Variants in KCNH3 observed in about 807,000 individuals in gnomAD.
KCNH3 encodes voltage-gated inwardly rectifying potassium channel KCNH3.
A neutral mutation model predicts 95.6 loss-of-function variants in KCNH3; 36 were observed. The observed-to-expected ratio is 0.38, with a 90% CI of 0.29 to 0.50. The LOEUF (loss-of-function observed/expected upper bound fraction) is 0.50. Among genes scored for constraint, KCNH3 ranks in the 20% least tolerant of loss-of-function variants. The pLI is 0.95. For synonymous variants in KCNH3, 620 were observed against 646.3 expected (o/e 0.96, Z 0.62); for missense variants, 1,030 against 1,484.1 (o/e 0.69, Z 5.03).
In KCNH3 at chr12:49,550,100, C is replaced by T. The variant is rs568300796; in HGVS notation, c.1689C>T (p.Asp563=). ...DTTELLQSLP[D]ELRADIAMHL... ...TGCAGCTGCTGCAGAGCCTCCCTGA[C>T]GAGCTGCGCGCAGACATCGCCATGC... The change falls in exon 10 of 15, where the codon GAC becomes GAT. Residue 563 remains aspartate (D), a synonymous_variant. Coordinates refer to ENST00000257981, the MANE Select transcript of KCNH3 (RefSeq NM_012284.3). 7.6e-6 allele frequency: 12 copies of T among 1,580,140 alleles called. No individual in the cohort carries two copies. The highest frequency in any genetic ancestry group is 3.3e-5 in the South Asian group (3 of 90,174).
chr12:49,542,634 C>G, intron 3 of KCNH3, 72 bp from the exon 4 acceptor site: 2 of 1,492,474 alleles, frequency 1.3e-6, no homozygotes, highest in South Asian at 2.6e-5. Flanking sequence ...GCAACTGTGT[C>G]CTACACCTGA....
chr12:49,544,143 C>CCGA, intron 6 of KCNH3, 32 bp from the exon 7 acceptor site: 3 of 1,503,864 alleles, frequency 2.0e-6, no homozygotes, highest in Non-Finnish European at 2.7e-6. Context: ...CGCTGACCTC[C>CCGA]CTCCCTCCCT....
At chr12:49,540,298 T>G (rs1937828598) in intron 1 of KCNH3, among the ~76,000 whole-genome samples, 1 of 152,190 alleles carries the variant, frequency 6.6e-6, no homozygotes, top group Non-Finnish European at 1.5e-5. Context: ...GCCTGCTGAT[T>G]CAGTGCCCCC....
chr12:49,548,877 C>G lies in KCNH3; in HGVS notation c.1190-18C>G. 1 of 1,547,208 alleles carries G rather than the reference C, an allele frequency of 6.5e-7. No homozygotes were observed. The highest frequency in any genetic ancestry group is 2.4e-5 in the East Asian group (1 of 41,234). ...CACAGTCTTCCTGCCTGCTCAGGCC[C>G]TGCTGTTCCCCCCTCAGGCTGGCTG... On this transcript the variant is annotated intron_variant, in intron 7 of 14. Transcript: ENST00000257981.
Position 49,557,512 on chromosome 12 carries a change from T to C in KCNH3, c.2811T>C (p.Pro937=). ...CCAGCACCTCCGGGCTTCTGCAGCC[T>C]CTGTGTGTGGACACTGGGGCATCCT... ...CPASTSGLLQ[P]LCVDTGASSY... Residue 937 remains proline (P), a synonymous_variant, in exon 15 of 15, where the codon CCT becomes CCC. Transcript: ENST00000257981. 1 of 1,611,820 alleles carries C rather than the reference T, an allele frequency of 6.2e-7. No individual in the cohort carries two copies. The highest frequency in any genetic ancestry group is 8.5e-7 in the Non-Finnish European group (1 of 1,179,942).
intron 7 of KCNH3, among the ~76,000 whole-genome samples, chr12:49,548,604 C>CG (rs1161313520): frequency 6.6e-6 from 1 of 152,162 alleles, no homozygotes; most frequent in African/African-American, 2.4e-5. Flanking sequence ...CTTTTGCCCA[C>CG]GCCAGCCAGG....
In KCNH3 at chr12:49,543,397, C is replaced by G; in HGVS notation, c.702C>G (p.Ala234=). 1 of 1,611,622 alleles carries G rather than the reference C, an allele frequency of 6.2e-7. No individual in the cohort carries two copies. The highest frequency in any genetic ancestry group is 8.5e-7 in the Non-Finnish European group (1 of 1,180,024). ...CCTGGGATGGCTTCATCCTGCTCGC[C>G]ACACTCTATGTGGCTGTCACTGTGC... The part of the protein sequence containing the change: ...RATWDGFILL[A]TLYVAVTVPY... The change falls in exon 5 of 15, where the codon GCC becomes GCG. Residue 234 remains alanine (A), a synonymous_variant. Transcript: ENST00000257981.
Position 49,542,741 on chromosome 12 carries a change from A to G in KCNH3, c.481A>G (p.Lys161Glu). The G allele has an allele frequency of 6.3e-7, 1 of 1,588,464 alleles. No homozygotes were observed. Among genetic ancestry groups the G allele is most frequent in the Non-Finnish European group, 8.6e-7 (1 of 1,168,362 alleles). ...GRRRYGRARSKGFNANRRRSR... is the reference protein window; with the variant it reads ...GRRRYGRARSEGFNANRRRSR... ...GCGCCGATATGGCCGGGCACGATCC[A>G]AAGGCTTCAATGCCAACCGGCGGCG... Residue 161 changes from lysine (K) to glutamate (E), a missense_variant, in exon 4 of 15, where the codon AAA (lysine) becomes GAA (glutamate). Lys to Glu is a moderately conservative substitution (Grantham distance 56). Around this residue, in one of 9 missense-constraint regions of KCNH3, gnomAD observed 92 missense variants for 92.7 expected, o/e 0.99. Coordinates refer to ENST00000257981, the MANE Select transcript of KCNH3 (RefSeq NM_012284.3).
chr12:49,555,713 G>C lies in KCNH3; in HGVS notation c.2230G>C (p.Ala744Pro), dbSNP rs760001782. ...GGAGCAGGGCCCCACGGTCTCCCCA[G>C]CCCCAGCTGATGAGCCCTCCAGCCC... is the stretch of plus-strand genomic sequence containing the variant. ...DGEQGPTVSP[A>P]PADEPSSPLL... Residue 744 changes from alanine (A) to proline (P), a missense_variant, in exon 12 of 15, where the codon GCC becomes CCC. Around this residue, in one of 9 missense-constraint regions of KCNH3, gnomAD observed 464 missense variants for 493.2 expected, o/e 0.94. Transcript: ENST00000257981. 1 of 1,612,786 alleles carries C rather than the reference G, an allele frequency of 6.2e-7. No homozygotes were observed. The highest frequency in any genetic ancestry group is 8.5e-7 in the Non-Finnish European group (1 of 1,179,534).
In KCNH3 at chr12:49,541,744, C is replaced by T. The variant is rs1179799378; in HGVS notation, c.425C>T (p.Pro142Leu). Residue 142 changes from proline (P) to leucine (L), a missense_variant, in exon 3 of 15, where the codon CCC becomes CTC. By Grantham distance (98) the Pro-to-Leu change is moderately conservative (BLOSUM62 -3). This residue lies in a region of KCNH3 where 92 missense variants were observed against 92.7 expected (regional missense o/e 0.99). Transcript: ENST00000257981. The part of the protein sequence containing the change: ...DISETKNRGG[P>L]DRWKETGGGR... Reference sequence around the variant, plus strand: ...AGCGAAACCAAGAACCGAGGGGGCCCCGACAGATGGAAGGAGACAGGTAGG... The same window carrying T: ...AGCGAAACCAAGAACCGAGGGGGCCTCGACAGATGGAAGGAGACAGGTAGG... The T allele has an allele frequency of 6.2e-7, 1 of 1,614,122 alleles. No individual in the cohort carries two copies. Among genetic ancestry groups the T allele is most frequent in the Admixed American group, 1.7e-5 (1 of 60,024 alleles).
intron 13 of KCNH3, 98 bp from the exon 14 acceptor site, chr12:49,557,085 C>A: frequency 1.7e-6 from 2 of 1,181,486 alleles, no homozygotes; most frequent in South Asian, 1.3e-5. Context: ...TCAGGTCCTA[C>A]CAGGTCAATG....
chr12:49,539,590 T>C lies in KCNH3; in HGVS notation c.76+98T>C. ...CCAGCAGCCCAGCTTGGCGCCAGCC[T>C]ATTCTCACCCTCTCCTCCCTACCCG... On this transcript the variant is annotated intron_variant, in intron 1 of 14. Transcript: ENST00000257981. This position sits in a 1 kb window ranked among gnomAD's most constrained non-coding sequence, Gnocchi z 6.7. The C allele has an allele frequency of 9.6e-7, 1 of 1,043,464 alleles. No individual in the cohort carries two copies. Among genetic ancestry groups the C allele is most frequent in the Non-Finnish European group, 1.4e-6 (1 of 717,454 alleles). The allele number at this position is 1,043,464 out of a possible 1,614,324, so 64.6% of individuals were successfully genotyped here.
rs1263998532 is a variant in KCNH3, at chr12:49,557,742, C to T, written c.3041C>T (p.Thr1014Ile). Residue 1014 changes from threonine to isoleucine, a missense_variant, in exon 15 of 15, where the codon ACC becomes ATC. By Grantham distance (89) the Thr-to-Ile change is moderately conservative. This residue lies in a region of KCNH3 where 464 missense variants were observed against 493.2 expected (regional missense o/e 0.94). Transcript: ENST00000257981. ...GGAGACCTCTGCTCTGAGCCCAGCA[C>T]CCCTGCCTCCCCTCCTCCTTCTGAG... ...ASGDLCSEPS[T>I]PASPPPSEEG... 1 of 1,613,406 alleles carries T rather than the reference C, an allele frequency of 6.2e-7. No homozygotes were observed.
rs750047805 is a variant in KCNH3, at chr12:49,549,526, G to A, written c.1554G>A (p.Thr518=). The part of the protein sequence containing the change: ...YARRFLYHSR[T]RDLRDYIRIH... ...GCCGCTTTCTGTACCACAGCCGCACGCGCGACCTGCGCGACTACATCCGCA... is the reference window on the plus strand; with the variant it reads ...GCCGCTTTCTGTACCACAGCCGCACACGCGACCTGCGCGACTACATCCGCA... The change falls in exon 9 of 15, where the codon ACG becomes ACA. Residue 518 remains threonine, a synonymous_variant. Transcript: ENST00000257981. 79 of 1,613,532 alleles carry A rather than the reference G, an allele frequency of 4.9e-5. No individual in the cohort carries two copies. Among genetic ancestry groups the A allele is most frequent in the Non-Finnish European group, 5.8e-5 (69 of 1,180,050 alleles).
chr12:49,557,019 G>T (rs1938483075), intron 13 of KCNH3, among the ~76,000 whole-genome samples, 164 bp from the exon 14 acceptor site: 1 of 152,150 alleles, frequency 6.6e-6, no homozygotes, highest in Admixed American at 6.5e-5. Flanking sequence ...CCTGCCCCTG[G>T]AAGTTTGGGC....
chr12:49,548,133 T>TGTGTGCGC (rs1380200472), intron 7 of KCNH3, among the ~76,000 whole-genome samples: 4 of 146,330 alleles, frequency 2.7e-5, no homozygotes, highest in Admixed American at 6.7e-5. Context: ...TGTGTGTGTG[T>TGTGTGCGC]GCGCGCGCAC....
chr12:49,554,488 G>A lies in KCNH3; in HGVS notation c.2070G>A (p.Pro690=), dbSNP rs749263213. ...DSLALYPEFA[P]RFSRGLRGEL... ...TTGCGCTGTACCCCGAGTTTGCCCC[G>A]CGCTTCAGTCGTGGCCTCCGAGGGG... The change falls in exon 11 of 15, where the codon CCG becomes CCA. Residue 690 remains proline (P), a synonymous_variant. Coordinates refer to ENST00000257981, the MANE Select transcript of KCNH3 (RefSeq NM_012284.3). 6.0e-5 allele frequency: 97 copies of A among 1,613,618 alleles called. No homozygotes were observed. The highest frequency in any genetic ancestry group is 7.8e-5 in the Non-Finnish European group (92 of 1,180,024).
At chr12:49,552,002 C>T (rs929682645) in intron 10 of KCNH3, among the ~76,000 whole-genome samples, 3 of 152,230 alleles carry the variant, frequency 2.0e-5, no homozygotes. Context: ...AGGCTGTTCA[C>T]ACCCTTTGTT....
rs1458639443 is a variant in KCNH3, at chr12:49,557,670, C to G, written c.2969C>G (p.Ala990Gly). The change falls in exon 15 of 15, where the codon GCC (alanine) becomes GGC (glycine). Residue 990 changes from alanine (A) to glycine (G), a missense_variant. Transcript: ENST00000257981. The part of the protein sequence containing the change: ...PASQSSPWPR[A>G]TAFWTSTSDS... ...TCTCAGAGCTCCCCCTGGCCTCGAG[C>G]CACAGCTTTCTGGACCTCCACCTCA... 2 of 1,613,802 alleles carry G rather than the reference C, an allele frequency of 1.2e-6. No individual in the cohort carries two copies. The highest frequency in any genetic ancestry group is 1.7e-6 in the Non-Finnish European group (2 of 1,179,982).
Sources: gnomAD v4.1 joint callset for allele counts (sites outside exome capture counted in the v4.1 genomes callset) on GRCh38, gnomAD v4.1.1 for gene constraint, gnomAD v4.1.1 regional missense constraint, Gnocchi (gnomAD v3.1) non-coding constraint, MANE v1.5 for transcripts, NCBI Gene and HGNC (gene_info 2026-07-23, HGNC 2026-07-21) for gene names.